KLHL29: variants seen among roughly 807,000 people sequenced by gnomAD.
KLHL29 encodes kelch like family member 29.
Under a neutral mutation model 80.4 loss-of-function variants are expected in KLHL29, and 21 were observed. That is an observed-to-expected ratio of 0.26 (90% CI 0.19 to 0.38). The LOEUF (loss-of-function observed/expected upper bound fraction) is 0.38. KLHL29 is among the 10% of genes least tolerant of loss of function. The pLI is 1.00. For synonymous variants in KLHL29, 511 were observed against 526.8 expected, an observed-to-expected ratio of 0.97 and a Z score of 0.41; for missense variants, 867 against 1,223.9, an observed-to-expected ratio of 0.71 and a Z score of 4.35.
At chr2:23,644,800 C>G (rs900731190) in intron 5 of KLHL29, among the ~76,000 whole-genome samples, 21 of 152,248 alleles carry the variant, frequency 1.4e-4, no homozygotes, top group African/African-American at 5.1e-4. Context: ...CTAAGATTCC[C>G]TCTACCAGGC....
intron 3 of KLHL29, among the ~76,000 whole-genome samples, chr2:23,591,786 G>A (rs560887790): frequency 9.2e-5 from 14 of 152,178 alleles, no homozygotes; most frequent in East Asian, 1.9e-4. Flanking sequence ...CGCCTTCCTC[G>A]TCGCGTTCCA....
chr2:23,459,470 A>G (rs1016417581), intron 1 of KLHL29, among the ~76,000 whole-genome samples: 2 of 152,184 alleles, frequency 1.3e-5, no homozygotes, highest in African/African-American at 2.4e-5. Context: ...CTGGCAAAAC[A>G]TCTTCTAGGA....
At chr2:23,399,847 G>C (rs1162044400) in intron 1 of KLHL29, among the ~76,000 whole-genome samples, 1 of 152,184 alleles carries the variant, frequency 6.6e-6, no homozygotes, top group Non-Finnish European at 1.5e-5. Flanking sequence ...GTGCCCTGCT[G>C]GTCTTGCTCA....
Position 23,695,571 on chromosome 2 carries a change from A to G in KLHL29, c.1543-52A>G. 1 of 1,262,632 alleles carries G rather than the reference A, an allele frequency of 7.9e-7. No individual in the cohort carries two copies. Among genetic ancestry groups the G allele is most frequent in the Non-Finnish European group, 1.1e-6 (1 of 912,888 alleles). 78.2% of individuals were successfully genotyped at this position (1,262,632 alleles called of 1,614,324 possible). A position where few individuals can be genotyped will look rare whatever the true frequency, so the allele number is the denominator to read the frequency against. On this transcript the variant is annotated intron_variant, in intron 8 of 13. Coordinates refer to ENST00000486442, the MANE Select transcript of KLHL29 (RefSeq NM_052920.2). The surrounding 1 kb of genome is among the most constrained non-coding windows in gnomAD (Gnocchi z 7.6). ...CCCACACCATTTCTTTCCGTCCGGG[A>G]GGTGGCTCTCTCTTGCTAGTCTAAG...
intron 2 of KLHL29, among the ~76,000 whole-genome samples, chr2:23,492,081 G>C (rs1011934356): frequency 3.3e-5 from 5 of 152,166 alleles, no homozygotes; most frequent in African/African-American, 1.2e-4. Context: ...GCCCCAGCGG[G>C]AGCTCTAGGA....
intron 1 of KLHL29, 88 bp downstream of exon 1, chr2:23,385,868 G>T: frequency 1.3e-5 from 2 of 152,484 alleles, no homozygotes; most frequent in South Asian, 3.7e-4. Context: ...GGGCCGGGCC[G>T]GGCGTGGGAG....
intron 3 of KLHL29, among the ~76,000 whole-genome samples, chr2:23,603,391 G>A (rs1668623077): frequency 6.6e-6 from 1 of 152,138 alleles, no homozygotes; most frequent in Admixed American, 6.5e-5. Context: ...CTGACAGCAG[G>A]AACAGGGGCA....
At chr2:23,436,735 A>G (rs1003487609) in intron 1 of KLHL29, among the ~76,000 whole-genome samples, 5 of 152,206 alleles carry the variant, frequency 3.3e-5, no homozygotes, top group African/African-American at 1.2e-4. Context: ...GGAGAAAATG[A>G]GAATGATTTT....
intron 2 of KLHL29, among the ~76,000 whole-genome samples, chr2:23,484,752 G>A (rs550370289): frequency 6.6e-6 from 1 of 152,292 alleles, no homozygotes; most frequent in African/African-American, 2.4e-5. Flanking sequence ...GGTCCTCCCT[G>A]AACTACCACT....
At chr2:23,564,787 C>G (rs1489043413) in intron 3 of KLHL29, among the ~76,000 whole-genome samples, 4 of 152,208 alleles carry the variant, frequency 2.6e-5, no homozygotes, top group Admixed American at 6.5e-5. Context: ...GGCTCTTGCC[C>G]TCGGGGAGCT....
At chr2:23,453,196 T>C (rs1663940592) in intron 1 of KLHL29, among the ~76,000 whole-genome samples, 1 of 152,034 alleles carries the variant, frequency 6.6e-6, no homozygotes, top group Non-Finnish European at 1.5e-5. Context: ...TTAGACAGTG[T>C]CTCTGAAAAT....
intron 2 of KLHL29, among the ~76,000 whole-genome samples, chr2:23,544,209 G>A (rs1162687892): frequency 2.6e-5 from 4 of 152,156 alleles, no homozygotes; most frequent in Non-Finnish European, 5.9e-5. Context: ...CGAGAACCAC[G>A]GTGATGTGGG....
In KLHL29 at chr2:23,700,023, T is replaced by C. The variant is rs1169899975; in HGVS notation, c.2106-3163T>C. On this transcript the variant is annotated intron_variant, in intron 11 of 13. Transcript: ENST00000486442. This position sits in a 1 kb window ranked among gnomAD's most constrained non-coding sequence, Gnocchi z 4.6. ...TACAAATACAGCTACACTCGTGCCA[T>C]CCTTGACTTCCTCTCTCCTGTGCAA... 6.6e-6 allele frequency among the ~76,000 whole-genome samples: 1 copy of C among 152,188 alleles called. No individual in the cohort carries two copies. Among genetic ancestry groups the C allele is most frequent in the East Asian group, 1.9e-4 (1 of 5,192 alleles).
intron 3 of KLHL29, among the ~76,000 whole-genome samples, chr2:23,584,204 C>A (rs1412312717): frequency 1.3e-5 from 2 of 152,226 alleles, no homozygotes; most frequent in African/African-American, 4.8e-5. Context: ...CAGCTGCTCC[C>A]CTGGGCCTGG....
In KLHL29 at chr2:23,565,944, C is replaced by T. The variant is rs371582466; in HGVS notation, c.285+3463C>T. Among the ~76,000 whole-genome samples, 5 of 152,228 alleles carry T rather than the reference C, an allele frequency of 3.3e-5. No homozygotes were observed. The East Asian group carries it at 7.7e-4, about 23-fold the overall frequency. On this transcript the variant is annotated intron_variant, in intron 3 of 13. Transcript: ENST00000486442. ...TCACGTGCCCTGGGGGCTGGGGCAT[C>T]CCATGCCATCACCCTCCCCACCCAG...
rs1671911005 is a variant in KLHL29, at chr2:23,695,722, G to C, written c.1642G>C (p.Ala548Pro). 6.4e-7 allele frequency: 1 copy of C among 1,551,646 alleles called. No individual in the cohort carries two copies. The highest frequency in any genetic ancestry group is 8.7e-7 in the Non-Finnish European group (1 of 1,146,986). The change falls in exon 9 of 14, where the codon GCC (alanine) becomes CCC (proline). Residue 548 changes from alanine (A) to proline (P), a missense_variant. Physicochemically the swap from Ala to Pro is conservative, Grantham distance 27 (BLOSUM62 -1). Around this residue, in one of 2 missense-constraint regions of KLHL29, gnomAD observed 443 missense variants for 767.0 expected, o/e 0.58. Coordinates refer to ENST00000486442, the MANE Select transcript of KLHL29 (RefSeq NM_052920.2). This position sits in a 1 kb window ranked among gnomAD's most constrained non-coding sequence, Gnocchi z 7.6. Reference protein sequence around the residue: ...DNEELIKSSEACRDLVNEAKR... With the variant: ...DNEELIKSSEPCRDLVNEAKR... ...TGAAGAGCTGATCAAGTCATCAGAA[G>C]CCTGCCGGGACCTGGTGAACGAGGC...
chr2:23,584,882 G>A (rs1037532597), intron 3 of KLHL29, among the ~76,000 whole-genome samples: 7 of 152,048 alleles, frequency 4.6e-5, no homozygotes, highest in African/African-American at 7.2e-5. Flanking sequence ...GATTACAGGC[G>A]CCTGCCACCA....
chr2:23,399,226 G>C (rs1235297574), intron 1 of KLHL29, among the ~76,000 whole-genome samples: 4 of 152,186 alleles, frequency 2.6e-5, no homozygotes, highest in Non-Finnish European at 5.9e-5. Context: ...TGCTGTCACT[G>C]CATTTCCCTT....
intron 2 of KLHL29, among the ~76,000 whole-genome samples, chr2:23,547,555 AG>A (rs1486377427): frequency 6.6e-6 from 1 of 152,086 alleles, no homozygotes; most frequent in Non-Finnish European, 1.5e-5. Flanking sequence ...GCACACAGTA[AG>A]TGCCCAGAAA....
Sources: gnomAD v4.1 joint callset for allele counts (sites outside exome capture counted in the v4.1 genomes callset) on GRCh38, gnomAD v4.1.1 for gene constraint, gnomAD v4.1.1 regional missense constraint, Gnocchi (gnomAD v3.1) non-coding constraint, MANE v1.5 for transcripts, NCBI Gene and HGNC (gene_info 2026-07-23, HGNC 2026-07-21) for gene names.